Variants in RFTN1 observed in about 807,000 individuals in gnomAD.
RFTN1 encodes raftlin, lipid raft linker 1, also known as raftlin.
A neutral mutation model predicts 46.5 loss-of-function variants in RFTN1; 26 were observed. That is an observed-to-expected ratio of 0.56 (90% CI 0.41 to 0.78). The LOEUF is 0.78. Ranked by LOEUF, RFTN1 falls within the 30% of genes least tolerant of loss-of-function variation. The probability of loss-of-function intolerance (pLI) is 0.00; values close to 1 mark genes in which losing one functional copy is unlikely to be tolerated. For synonymous variants in RFTN1, 261 were observed against 284.2 expected (o/e 0.92, Z 0.82); for missense variants, 693 against 718.7 (o/e 0.96, Z 0.41).
rs1039516350 is a variant in RFTN1 at position 16,466,114 on chromosome 3, C to T, written c.145+27611G>A. Among the ~76,000 whole-genome samples, 6 of 152,302 alleles carry T rather than the reference C, an allele frequency of 3.9e-5. No homozygotes were observed. The highest frequency in any genetic ancestry group is 1.3e-4 in the Admixed American group (2 of 15,300). Reference sequence around the variant, plus strand: ...CCAGTGCTCAATTTTGGGGTCCAAGCGCTTGAATGCAGGATACACCATGCA... The same window carrying T: ...CCAGTGCTCAATTTTGGGGTCCAAGTGCTTGAATGCAGGATACACCATGCA... On this transcript the variant is annotated intron_variant, in intron 2 of 9. Coordinates refer to ENST00000334133, the MANE Select transcript of RFTN1 (RefSeq NM_015150.2). This position sits in a 1 kb window ranked among gnomAD's most constrained non-coding sequence, Gnocchi z 5.6.
At chr3:16,503,066 A>G (rs748591820) in intron 1 of RFTN1, among the ~76,000 whole-genome samples, 5 of 152,154 alleles carry the variant, frequency 3.3e-5, no homozygotes, top group Non-Finnish European at 7.3e-5. Context: ...TTTGCATTAT[A>G]AGAAGAAAAC....
intron 2 of RFTN1, among the ~76,000 whole-genome samples, chr3:16,462,305 T>C (rs562305905): frequency 2.0e-5 from 3 of 152,368 alleles, no homozygotes; most frequent in African/African-American, 7.2e-5. Flanking sequence ...CGTACTATTA[T>C]TATTCTTATA....
Position 16,336,822 on chromosome 3 carries a change from C to A in RFTN1, c.1147-9946G>T, listed in dbSNP as rs2070898639. ...TTTCTCTACCAGGTAAGAAAGGCAG[C>A]AAACTCAGTAGCCTTTTAGGAGCTC... On this transcript the variant is annotated intron_variant, in intron 7 of 9. Transcript: ENST00000334133. This position sits in a 1 kb window ranked among gnomAD's most constrained non-coding sequence, Gnocchi z 6.0. Among the ~76,000 whole-genome samples the A allele has an allele frequency of 6.6e-6, 1 of 152,136 alleles. No homozygotes were observed. Among genetic ancestry groups the A allele is most frequent in the African/African-American group, 2.4e-5 (1 of 41,434 alleles).
intron 2 of RFTN1, among the ~76,000 whole-genome samples, chr3:16,485,975 A>G (rs1394553556): frequency 6.6e-6 from 1 of 152,180 alleles, no homozygotes; most frequent in Non-Finnish European, 1.5e-5. Context: ...CCTTCCTTTC[A>G]ACTTTCGGGG....
At chr3:16,368,745 C>T (rs2073359027) in intron 6 of RFTN1, among the ~76,000 whole-genome samples, 1 of 151,894 alleles carries the variant, frequency 6.6e-6, no homozygotes, top group African/African-American at 2.4e-5. Context: ...GTGACACTAG[C>T]CACTAGCCAC....
Position 16,410,345 on chromosome 3 carries a change from A to G in RFTN1, c.333-862T>C, listed in dbSNP as rs2074959799. Among the ~76,000 whole-genome samples, 1 of 151,920 alleles carries G rather than the reference A, an allele frequency of 6.6e-6. No individual in the cohort carries two copies. Among genetic ancestry groups the G allele is most frequent in the African/African-American group, 2.4e-5 (1 of 41,304 alleles). On this transcript the variant is annotated intron_variant, in intron 3 of 9. Coordinates refer to ENST00000334133, the MANE Select transcript of RFTN1 (RefSeq NM_015150.2). This position sits in a 1 kb window ranked among gnomAD's most constrained non-coding sequence, Gnocchi z 4.6. ...GAACAAGCAAGACATACACCAAACC[A>G]ATAATAGCAGGTACCCCTGGGGAAT...
intron 7 of RFTN1, among the ~76,000 whole-genome samples, chr3:16,332,410 A>G (rs576483003): frequency 3.1e-5 from 3 of 98,354 alleles, no homozygotes; most frequent in South Asian, 5.8e-4. Flanking sequence ...TTATCTTTTG[A>G]TTGCTTCTTT....
At chr3:16,371,622 A>T (rs937357886) in intron 5 of RFTN1, among the ~76,000 whole-genome samples, 4 of 152,226 alleles carry the variant, frequency 2.6e-5, no homozygotes, top group Non-Finnish European at 5.9e-5. Flanking sequence ...GGGCCATATT[A>T]CTTTGTCATC....
Position 16,341,557 on chromosome 3 carries a change from A to G in RFTN1, c.1147-14681T>C, listed in dbSNP as rs1187648003. On this transcript the variant is annotated intron_variant, in intron 7 of 9. Transcript: ENST00000334133. The surrounding 1 kb of genome is among the most constrained non-coding windows in gnomAD (Gnocchi z 4.7). The stretch of plus-strand genomic sequence containing the variant: ...CCAACTGGAAAAGGCTACATACTGT[A>G]TGGGAACTCTGTAGATTCAGTTCAG... Among the ~76,000 whole-genome samples, 1 of 152,262 alleles carries G rather than the reference A, an allele frequency of 6.6e-6. No homozygotes were observed. The highest frequency in any genetic ancestry group is 2.4e-5 in the African/African-American group (1 of 41,568).
At chr3:16,438,330 A>G (rs2075554443) in intron 2 of RFTN1, among the ~76,000 whole-genome samples, 1 of 152,124 alleles carries the variant, frequency 6.6e-6, no homozygotes, top group Non-Finnish European at 1.5e-5. Flanking sequence ...CACGCTTGTA[A>G]TCGCAGCACT....
chr3:16,464,691 G>GTTTGTAAATAAAA (rs1436647979), intron 2 of RFTN1, among the ~76,000 whole-genome samples: 1 of 152,220 alleles, frequency 6.6e-6, no homozygotes, highest in Admixed American at 6.5e-5. Flanking sequence ...TGTAAATAAA[G>GTTTGTAAATAAAA]TTTTATTGGA....
intron 3 of RFTN1, among the ~76,000 whole-genome samples, chr3:16,415,409 G>GTATATATATATATATATATATATA (rs367960866): frequency 4.0e-4 from 42 of 104,444 alleles, no homozygotes; most frequent in South Asian, 1.4e-3. Context: ...AGACAGTTGA[G>GTATATATATATATATATATATATA]TATATATATA....
chr3:16,358,045 A>C lies in RFTN1; in HGVS notation c.1033T>G (p.Ser345Ala), dbSNP rs771276133. 1 of 1,538,750 alleles carries C rather than the reference A, an allele frequency of 6.5e-7. No homozygotes were observed. The highest frequency in any genetic ancestry group is 8.9e-7 in the Non-Finnish European group (1 of 1,120,708). The change falls in exon 7 of 10, where the codon TCC becomes GCC. Residue 345 changes from serine to alanine, a missense_variant and splice_region_variant. Ser to Ala is a moderately conservative substitution (Grantham distance 99). Coordinates refer to ENST00000334133, the MANE Select transcript of RFTN1 (RefSeq NM_015150.2). ...ACTCCATCTGTCAAGCCATGTAAGG[A>C]ATCTGTGGAAAAAGAAAAAGGCGGG... ...AVFYLGIVND[S>A]LHGLTDGVFI...
chr3:16,434,121 G>T, intron 2 of RFTN1, 84 bp from the exon 3 acceptor site: 2 of 1,208,104 alleles, frequency 1.7e-6, no homozygotes, highest in African/African-American at 1.5e-5. Context: ...CCTTGCCCTC[G>T]GGGAGGATCC....
intron 2 of RFTN1, among the ~76,000 whole-genome samples, chr3:16,464,141 G>A (rs2076051238): frequency 6.6e-6 from 1 of 152,172 alleles, no homozygotes; most frequent in East Asian, 1.9e-4. Flanking sequence ...GTCTTGAAGG[G>A]AAAGCCAACT....
At chr3:16,388,914 C>G (rs1440021876) in intron 4 of RFTN1, among the ~76,000 whole-genome samples, 2 of 152,172 alleles carry the variant, frequency 1.3e-5, no homozygotes, top group Non-Finnish European at 2.9e-5. Context: ...GTTAAGAACT[C>G]AAGGGTTCAT....
At chr3:16,510,654 T>C (rs576019935) in intron 1 of RFTN1, among the ~76,000 whole-genome samples, 2 of 152,334 alleles carry the variant, frequency 1.3e-5, no homozygotes, top group Middle Eastern at 3.4e-3. Context: ...TGGAATCTCA[T>C]ACTTGTATTC....
chr3:16,426,660 C>CGTGT lies in RFTN1; in HGVS notation c.332+7187_332+7190dup, dbSNP rs34705903. ...ACTGTTATTTTGGCAATGAAAGGAT[C>CGTGT]GTGTGTGTGTGTGTGTGTGTGTGTG... is the stretch of plus-strand genomic sequence containing the variant. On this transcript the variant is annotated intron_variant, in intron 3 of 9. Coordinates refer to ENST00000334133, the MANE Select transcript of RFTN1 (RefSeq NM_015150.2). This position sits in a 1 kb window ranked among gnomAD's most constrained non-coding sequence, Gnocchi z 5.9. 0.25 allele frequency among the ~76,000 whole-genome samples: 35,399 copies of CGTGT among 141,810 alleles called. 4,641 individuals are homozygous for CGTGT. The highest frequency in any genetic ancestry group is 0.34 in the East Asian group (1,674 of 4,870). 93.0% of individuals were successfully genotyped at this position (141,810 alleles called of 152,430 possible).
chr3:16,379,995 CA>C (rs1300432278), intron 4 of RFTN1, among the ~76,000 whole-genome samples: 6 of 152,220 alleles, frequency 3.9e-5, no homozygotes, highest in African/African-American at 1.2e-4. Flanking sequence ...GAGACACCTG[CA>C]CTAGCTTCTG....
Sources: gnomAD v4.1 joint callset for allele counts (sites outside exome capture counted in the v4.1 genomes callset) on GRCh38, gnomAD v4.1.1 for gene constraint, Gnocchi (gnomAD v3.1) non-coding constraint, MANE v1.5 for transcripts, NCBI Gene and HGNC (gene_info 2026-07-23, HGNC 2026-07-21) for gene names.